PAPPA: variants seen among roughly 807,000 people sequenced by gnomAD.
PAPPA encodes pappalysin 1.
A neutral mutation model predicts 164.0 loss-of-function variants in PAPPA; 60 were observed. That is an observed-to-expected ratio of 0.37 (90% CI 0.30 to 0.45). The LOEUF (loss-of-function observed/expected upper bound fraction) is 0.45, where lower values mean the gene tolerates loss of function less well. Among genes scored for constraint, PAPPA ranks in the 20% least tolerant of loss-of-function variants. PAPPA has a pLI of 1.00. For missense variants in PAPPA, 1,782 were observed against 2,087.3 expected (o/e 0.85, Z 2.85); for synonymous variants, 875 against 814.1 (o/e 1.07, Z -1.27).
chr9:116,327,112 AGG>A (rs1246464804), intron 10 of PAPPA, among the ~76,000 whole-genome samples: 1 of 152,166 alleles, frequency 6.6e-6, no homozygotes, highest in Non-Finnish European at 1.5e-5. Flanking sequence ...CCATTTCCCT[AGG>A]GAAACCCAAA....
chr9:116,303,368 C>A (rs1323432225), intron 10 of PAPPA, among the ~76,000 whole-genome samples: 4 of 152,160 alleles, frequency 2.6e-5, no homozygotes, highest in African/African-American at 9.7e-5. Context: ...CCTCTCTGGG[C>A]CCTATTTTTC....
chr9:116,197,668 T>C (rs1844124101), intron 2 of PAPPA, among the ~76,000 whole-genome samples: 1 of 152,226 alleles, frequency 6.6e-6, no homozygotes, highest in Admixed American at 6.5e-5. Context: ...TGTCTCTGTT[T>C]AACCCCAAGG....
chr9:116,228,999 C>T (rs1232881683), intron 6 of PAPPA, among the ~76,000 whole-genome samples: 1 of 152,100 alleles, frequency 6.6e-6, no homozygotes, highest in East Asian at 1.9e-4. Context: ...CTGTCTTGGG[C>T]ACATGGGCAA....
intron 10 of PAPPA, among the ~76,000 whole-genome samples, chr9:116,315,636 T>C (rs1588000372): frequency 6.6e-6 from 1 of 152,266 alleles, no homozygotes; most frequent in South Asian, 2.1e-4. Context: ...GATGGAAATC[T>C]AAGGGTCTTC....
At chr9:116,331,807 T>C (rs1397053864) in intron 11 of PAPPA, among the ~76,000 whole-genome samples, 1 of 152,206 alleles carries the variant, frequency 6.6e-6, no homozygotes, top group Non-Finnish European at 1.5e-5. Context: ...GGCTTGTGTG[T>C]CACTGACCTA....
intron 9 of PAPPA, among the ~76,000 whole-genome samples, chr9:116,275,824 A>G (rs1845190551): frequency 6.6e-6 from 1 of 152,020 alleles, no homozygotes; most frequent in South Asian, 2.1e-4. Flanking sequence ...TTATGGTGAC[A>G]TTCCCATTCA....
At chr9:116,369,172 ACT>A (rs1036837567) in intron 19 of PAPPA, among the ~76,000 whole-genome samples, 2 of 149,690 alleles carry the variant, frequency 1.3e-5, no homozygotes, top group African/African-American at 2.5e-5. Context: ...TCTGCCTCTG[ACT>A]CTCTGCATAT....
intron 7 of PAPPA, among the ~76,000 whole-genome samples, chr9:116,239,752 A>G (rs1300586959): frequency 2.0e-5 from 3 of 152,098 alleles, no homozygotes; most frequent in African/African-American, 7.2e-5. Context: ...CTTCCTAACC[A>G]CTACCCATAC....
intron 3 of PAPPA, among the ~76,000 whole-genome samples, chr9:116,210,535 C>A (rs944903097): frequency 4.6e-5 from 7 of 152,166 alleles, no homozygotes; most frequent in Non-Finnish European, 8.8e-5. Context: ...TGAGTTTTAA[C>A]CTTCCCTTAA....
At chr9:116,330,732 AT>A (rs1845980441) in intron 10 of PAPPA, among the ~76,000 whole-genome samples, 1 of 152,130 alleles carries the variant, frequency 6.6e-6, no homozygotes, top group African/African-American at 2.4e-5. Context: ...TTGGAGCACA[AT>A]TTACAGATTT....
At chr9:116,247,837 T>C (rs922948959) in intron 7 of PAPPA, among the ~76,000 whole-genome samples, 1 of 152,100 alleles carries the variant, frequency 6.6e-6, no homozygotes, top group Non-Finnish European at 1.5e-5. Flanking sequence ...AATCAAGAGA[T>C]CTGACTCCCA....
At chr9:116,272,691 G>A (rs990832978) in intron 9 of PAPPA, among the ~76,000 whole-genome samples, 3 of 152,130 alleles carry the variant, frequency 2.0e-5, no homozygotes, top group Non-Finnish European at 2.9e-5. Context: ...CAGGGCCTTG[G>A]GTTTTAAATT....
chr9:116,254,332 A>G (rs1844895622), intron 7 of PAPPA, among the ~76,000 whole-genome samples: 1 of 152,212 alleles, frequency 6.6e-6, no homozygotes, highest in East Asian at 1.9e-4. Flanking sequence ...AAATTTTAAA[A>G]AATAATCAAA....
At chr9:116,179,162 A>G (rs1175351305) in intron 1 of PAPPA, among the ~76,000 whole-genome samples, 4 of 152,212 alleles carry the variant, frequency 2.6e-5, no homozygotes, top group Non-Finnish European at 4.4e-5. Flanking sequence ...TACATGTGGG[A>G]AAACTAAGGT....
intron 9 of PAPPA, among the ~76,000 whole-genome samples, chr9:116,275,007 A>G (rs1259780532): frequency 1.3e-5 from 2 of 152,188 alleles, no homozygotes; most frequent in Non-Finnish European, 2.9e-5. Context: ...TGAGCTAGCT[A>G]TGCACAGCAC....
chr9:116,166,655 G>T (rs1348041675), intron 1 of PAPPA, among the ~76,000 whole-genome samples: 1 of 152,172 alleles, frequency 6.6e-6, no homozygotes, highest in Non-Finnish European at 1.5e-5. Context: ...CTTATAATAA[G>T]CACTTACTAT....
At chr9:116,330,767 C>T (rs1845980761) in intron 10 of PAPPA, among the ~76,000 whole-genome samples, 1 of 152,170 alleles carries the variant, frequency 6.6e-6, no homozygotes, top group African/African-American at 2.4e-5. Flanking sequence ...CTACTTGACA[C>T]TCAAGATTCT....
intron 1 of PAPPA, among the ~76,000 whole-genome samples, chr9:116,162,134 C>G (rs772702219): frequency 6.6e-6 from 1 of 152,054 alleles, no homozygotes; most frequent in Non-Finnish European, 1.5e-5. Flanking sequence ...ATGAGGGGAG[C>G]CTTAGGAGGA....
intron 1 of PAPPA, among the ~76,000 whole-genome samples, chr9:116,177,267 T>C (rs1255273894): frequency 6.6e-6 from 1 of 152,160 alleles, no homozygotes; most frequent in African/African-American, 2.4e-5. Context: ...GAGCCAGAAC[T>C]TAAAACAGCT....
Sources: gnomAD v4.1 joint callset for allele counts (sites outside exome capture counted in the v4.1 genomes callset) on GRCh38, gnomAD v4.1.1 for gene constraint, MANE v1.5 for transcripts, NCBI Gene and HGNC (gene_info 2026-07-23, HGNC 2026-07-21) for gene names.